Variants in MLLT3 observed in about 807,000 individuals in gnomAD.
MLLT3 encodes the protein protein AF-9.
In MLLT3, 4 loss-of-function variants were observed where a neutral mutation model predicts 53.2. That is an observed-to-expected ratio of 0.08 (90% CI 0.04 to 0.17). The LOEUF is 0.17. Among genes scored for constraint, MLLT3 ranks in the 10% least tolerant of loss-of-function variants. MLLT3 has a pLI of 1.00. For synonymous variants in MLLT3, 283 were observed against 230.6 expected, an observed-to-expected ratio of 1.23 and a Z score of -2.06; for missense variants, 569 against 684.0, an observed-to-expected ratio of 0.83 and a Z score of 1.87.
chr9:20,505,605 C>T (rs1205110632), intron 2 of MLLT3, among the ~76,000 whole-genome samples: 2 of 152,166 alleles, frequency 1.3e-5, no homozygotes, highest in Admixed American at 6.5e-5. Flanking sequence ...TCTTCTATTT[C>T]AGTAATTCCT....
At chr9:20,526,394 C>A (rs1818204201) in intron 2 of MLLT3, among the ~76,000 whole-genome samples, 1 of 152,182 alleles carries the variant, frequency 6.6e-6, no homozygotes, top group African/African-American at 2.4e-5. Flanking sequence ...GTAGTACCAT[C>A]CTGGTTCTGA....
intron 2 of MLLT3, among the ~76,000 whole-genome samples, chr9:20,490,415 G>T (rs1465801910): frequency 1.3e-5 from 2 of 152,234 alleles, no homozygotes; most frequent in Non-Finnish European, 2.9e-5. Context: ...TGCTGGCTTT[G>T]AAATGTTAAG....
chr9:20,600,196 T>A (rs1441340762), intron 2 of MLLT3, among the ~76,000 whole-genome samples: 70 of 151,378 alleles, frequency 4.6e-4, no homozygotes, highest in African/African-American at 4.9e-5. Flanking sequence ...TACTAAACAC[T>A]CAGAACTCTG....
At chr9:20,548,792 A>G (rs1818853057) in intron 2 of MLLT3, among the ~76,000 whole-genome samples, 1 of 151,992 alleles carries the variant, frequency 6.6e-6, no homozygotes, top group Non-Finnish European at 1.5e-5. Context: ...GAATATTCTC[A>G]AACTTACCAA....
chr9:20,559,797 A>G (rs1254749903), intron 2 of MLLT3, among the ~76,000 whole-genome samples: 1 of 152,188 alleles, frequency 6.6e-6, no homozygotes, highest in African/African-American at 2.4e-5. Flanking sequence ...TCACTCCTGA[A>G]TGTTCAATAT....
Position 20,345,479 on chromosome 9 carries a change from A to T in MLLT3, c.*964T>A, listed in dbSNP as rs1266538963. 9.9e-6 allele frequency: 2 copies of T among 201,626 alleles called. No homozygotes were observed. Among genetic ancestry groups the T allele is most frequent in the African/African-American group, 4.7e-5 (2 of 42,882 alleles). The allele number at this position is 201,626 out of a possible 1,614,324, so 12.5% of individuals were successfully genotyped here. ...TTTCTACAACAGTTTTTTTTTTTAG[A>T]AAACAGGACCAGAATTCTTTTTTTT... On this transcript the variant is annotated 3_prime_UTR_variant, in exon 11 of 11. Transcript: ENST00000380338.
intron 2 of MLLT3, among the ~76,000 whole-genome samples, chr9:20,461,958 T>C (rs1308672375): frequency 6.6e-6 from 1 of 152,162 alleles, no homozygotes; most frequent in East Asian, 1.9e-4. Flanking sequence ...CCAGCTTTAG[T>C]ATTTTGGACT....
chr9:20,607,539 C>T (rs1340404476), intron 2 of MLLT3, among the ~76,000 whole-genome samples: 3 of 151,966 alleles, frequency 2.0e-5, no homozygotes, highest in Non-Finnish European at 2.9e-5. Flanking sequence ...TTTGAAGTTG[C>T]AATTTTATTC....
intron 4 of MLLT3, among the ~76,000 whole-genome samples, chr9:20,416,806 AATG>A: frequency 6.6e-6 from 1 of 152,222 alleles, no homozygotes. Context: ...ATTCCATAAC[AATG>A]TCTTAAATAA....
chr9:20,420,071 A>T (rs1217712571), intron 4 of MLLT3, among the ~76,000 whole-genome samples: 2 of 151,390 alleles, frequency 1.3e-5, no homozygotes, highest in Non-Finnish European at 2.9e-5. Context: ...AAAGTGGAAT[A>T]AAAATTGGAT....
intron 2 of MLLT3, among the ~76,000 whole-genome samples, chr9:20,556,411 G>T (rs777707676): frequency 5.9e-5 from 9 of 152,070 alleles, no homozygotes; most frequent in African/African-American, 1.9e-4. Flanking sequence ...AAGGCCAGGC[G>T]CAGTGGCTCA....
chr9:20,497,083 T>C (rs1825096285), intron 2 of MLLT3, among the ~76,000 whole-genome samples: 2 of 152,206 alleles, frequency 1.3e-5, no homozygotes, highest in Non-Finnish European at 2.9e-5. Flanking sequence ...CTCAAAACGG[T>C]TTACTTGTTG....
At chr9:20,525,661 T>C (rs956157342) in intron 2 of MLLT3, among the ~76,000 whole-genome samples, 3 of 152,214 alleles carry the variant, frequency 2.0e-5, no homozygotes, top group Non-Finnish European at 2.9e-5. Flanking sequence ...AACTCTCAAA[T>C]GTAGGTCTAG....
At position 20,345,547 on chromosome 9, in the gene MLLT3, T is replaced by C. The variant is rs1456689131; in HGVS notation, c.*896A>G. 2 of 201,602 alleles carry C rather than the reference T, an allele frequency of 9.9e-6. No homozygotes were observed. Among genetic ancestry groups the C allele is most frequent in the East Asian group, 1.5e-4 (2 of 13,060 alleles). The allele number at this position is 201,602 out of a possible 1,614,324, so 12.5% of individuals were successfully genotyped here. A position where few individuals can be genotyped will look rare whatever the true frequency, so the allele number is the denominator to read the frequency against. On this transcript the variant is annotated 3_prime_UTR_variant, in exon 11 of 11. Coordinates refer to ENST00000380338, the MANE Select transcript of MLLT3 (RefSeq NM_004529.4). ...GAATGCCTTTACTTCCATATTCACC[T>C]AATATTGTAACAGTAAAACAGACAC... is the stretch of plus-strand genomic sequence containing the variant.
intron 3 of MLLT3, among the ~76,000 whole-genome samples, chr9:20,452,918 T>TA (rs1308873201): frequency 1.3e-5 from 2 of 152,188 alleles, no homozygotes; most frequent in African/African-American, 4.8e-5. Context: ...GTAAGATGAA[T>TA]AAGCTCTAGA....
At chr9:20,553,026 C>G (rs1818963913) in intron 2 of MLLT3, among the ~76,000 whole-genome samples, 1 of 152,124 alleles carries the variant, frequency 6.6e-6, no homozygotes, top group African/African-American at 2.4e-5. Flanking sequence ...CATTGGACAT[C>G]CAGAAAGTAC....
intron 2 of MLLT3, among the ~76,000 whole-genome samples, chr9:20,610,326 G>T (rs1820670758): frequency 6.6e-6 from 1 of 152,018 alleles, no homozygotes; most frequent in Non-Finnish European, 1.5e-5. Context: ...AGTGAAGAAA[G>T]AATAAGGGAA....
chr9:20,617,736 A>G (rs983253223), intron 2 of MLLT3, among the ~76,000 whole-genome samples: 3 of 152,152 alleles, frequency 2.0e-5, no homozygotes, highest in African/African-American at 7.2e-5. Context: ...TCCAGGCTTC[A>G]CCATTTCATC....
chr9:20,341,868 G>A lies in MLLT3; in HGVS notation c.*4575C>T, dbSNP rs114930355. On this transcript the variant is annotated 3_prime_UTR_variant, in exon 11 of 11. Transcript: ENST00000380338. ...AAAGAAAAAATACCGGGCACACATA[G>A]CCCAGTTTATGCCAAAAAATGTATC... 8.6e-3 allele frequency: 1,763 copies of A among 204,488 alleles called. 33 individuals are homozygous for A. The highest frequency in any genetic ancestry group is 0.034 in the African/African-American group (1,470 of 43,680). 12.7% of individuals were successfully genotyped at this position (204,488 alleles called of 1,614,324 possible).
Sources: gnomAD v4.1 joint callset for allele counts (sites outside exome capture counted in the v4.1 genomes callset) on GRCh38, gnomAD v4.1.1 for gene constraint, MANE v1.5 for transcripts, NCBI Gene and HGNC (gene_info 2026-07-23, HGNC 2026-07-21) for gene names.